SCEL: variants seen among roughly 807,000 people sequenced by gnomAD.
SCEL encodes the protein sciellin.
SCEL carries 113 observed loss-of-function variants against 117.6 expected under a neutral mutation model. The observed-to-expected ratio is 0.96, with a 90% CI of 0.83 to 1.12. The LOEUF is 1.12. SCEL is among the 50% of genes most tolerant of loss of function. SCEL has a pLI of 0.00. For missense variants in SCEL, 785 were observed against 810.8 expected (o/e 0.97, Z 0.39); for synonymous variants, 270 against 256.2 (o/e 1.05, Z -0.51).
intron 30 of SCEL, among the ~76,000 whole-genome samples, chr13:77,640,007 A>G (rs2090484844): frequency 6.6e-6 from 1 of 152,142 alleles, no homozygotes; most frequent in South Asian, 2.1e-4. Flanking sequence ...TTTAACAAAT[A>G]TTTAGTATTT....
At chr13:77,562,735 A>G (rs546372972) in intron 4 of SCEL, among the ~76,000 whole-genome samples, 3 of 152,256 alleles carry the variant, frequency 2.0e-5, no homozygotes, top group Non-Finnish European at 2.9e-5. Flanking sequence ...GTTGATTAAT[A>G]TAGCAAATGT....
intron 11 of SCEL, 42 bp downstream of exon 11, chr13:77,591,502 A>T (rs115680772): frequency 0.13 from 151,755 of 1,129,628 alleles, 11,294 homozygotes; most frequent in Non-Finnish European, 0.15. Context: ...TGTAGTAATG[A>T]TAAAGTATGC....
intron 31 of SCEL, 125 bp downstream of exon 31, chr13:77,640,909 A>G: frequency 5.7e-6 from 3 of 524,982 alleles, no homozygotes; most frequent in South Asian, 5.4e-5. Context: ...CCACATTAAT[A>G]GTACACTACT....
intron 1 of SCEL, among the ~76,000 whole-genome samples, chr13:77,543,169 C>T (rs1432886522): frequency 4.7e-5 from 7 of 150,188 alleles, no homozygotes; most frequent in Non-Finnish European, 7.4e-5. Flanking sequence ...CTGCAAGCTC[C>T]GCCTCCCGGG....
At chr13:77,620,700 A>G (rs2089361830) in intron 27 of SCEL, among the ~76,000 whole-genome samples, 1 of 152,186 alleles carries the variant, frequency 6.6e-6, no homozygotes. Flanking sequence ...TGTTAGACTG[A>G]TTATTAAAAT....
At chr13:77,567,309 C>G (rs2085343636) in intron 5 of SCEL, among the ~76,000 whole-genome samples, 1 of 152,054 alleles carries the variant, frequency 6.6e-6, no homozygotes, top group Admixed American at 6.6e-5. Context: ...CAACAATTAA[C>G]TGGGCGTAGG....
At chr13:77,536,967 A>G (rs1383726462) in intron 1 of SCEL, among the ~76,000 whole-genome samples, 1 of 152,258 alleles carries the variant, frequency 6.6e-6, no homozygotes, top group Non-Finnish European at 1.5e-5. Context: ...TTTATTTTTC[A>G]TAAAATGTGA....
At chr13:77,573,655 A>G (rs1456817508) in intron 9 of SCEL, among the ~76,000 whole-genome samples, 1 of 151,750 alleles carries the variant, frequency 6.6e-6, no homozygotes, top group Non-Finnish European at 1.5e-5. Flanking sequence ...CTATCTATCT[A>G]TCTATCTATC....
chr13:77,593,312 G>T (rs1478092933), intron 11 of SCEL, among the ~76,000 whole-genome samples: 2 of 147,726 alleles, frequency 1.4e-5, no homozygotes, highest in East Asian at 2.0e-4. Flanking sequence ...GTGTGTGTGT[G>T]TGTGTGTCAG....
chr13:77,567,263 G>T (rs2085340820), intron 5 of SCEL, among the ~76,000 whole-genome samples: 1 of 152,108 alleles, frequency 6.6e-6, no homozygotes, highest in Non-Finnish European at 1.5e-5. Flanking sequence ...AGACCAGTGT[G>T]GCCAACATGG....
chr13:77,571,095 G>T (rs2085583411), intron 8 of SCEL, among the ~76,000 whole-genome samples: 1 of 151,420 alleles, frequency 6.6e-6, no homozygotes, highest in Non-Finnish European at 1.5e-5. Context: ...CTCCCAAAGT[G>T]CTGGGATTAC....
chr13:77,596,075 G>A (rs1395129095), intron 12 of SCEL, among the ~76,000 whole-genome samples: 14 of 152,206 alleles, frequency 9.2e-5, no homozygotes, highest in African/African-American at 3.4e-4. Context: ...GCTCACACCT[G>A]TAATCCCAGC....
At chr13:77,602,955 A>G (rs978131013) in intron 17 of SCEL, 121 bp from the exon 18 acceptor site, 7 of 656,944 alleles carry the variant, frequency 1.1e-5, no homozygotes, top group Middle Eastern at 4.1e-4. Context: ...CTTAAAGCCA[A>G]TTTAATGTCA....
chr13:77,538,134 TTA>T (rs2083503950), intron 1 of SCEL, among the ~76,000 whole-genome samples: 1 of 148,456 alleles, frequency 6.7e-6, no homozygotes, highest in Non-Finnish European at 1.5e-5. Context: ...TTTTTTTTTT[TTA>T]AATGGAGTCT....
Position 77,543,116 on chromosome 13 carries a change from C to A in SCEL, c.-20+7292C>A, listed in dbSNP as rs533019968. ...TTTTTTTTTTTGAGACGGAGTCTCGCTCTGTTGCCCAGGCTGGAGTGCAGT... is the reference window on the plus strand; with the variant it reads ...TTTTTTTTTTTGAGACGGAGTCTCGATCTGTTGCCCAGGCTGGAGTGCAGT... On this transcript the variant is annotated intron_variant, in intron 1 of 32. Coordinates refer to ENST00000349847, the MANE Select transcript of SCEL (RefSeq NM_144777.3). Among the ~76,000 whole-genome samples, 8 of 144,120 alleles carry A rather than the reference C, an allele frequency of 5.6e-5. No homozygotes were observed. The Admixed American group carries it at 5.6e-4, about 10-fold the overall frequency. The allele number at this position is 144,120 out of a possible 152,430, so 94.5% of individuals were successfully genotyped here.
At chr13:77,576,350 G>A (rs1009476728) in intron 9 of SCEL, among the ~76,000 whole-genome samples, 3 of 151,770 alleles carry the variant, frequency 2.0e-5, no homozygotes, top group Non-Finnish European at 2.9e-5. Flanking sequence ...TTTCTTTTTC[G>A]ATTTCTCAGC....
chr13:77,613,205 C>A (rs2088790784), intron 23 of SCEL, among the ~76,000 whole-genome samples: 1 of 151,928 alleles, frequency 6.6e-6, no homozygotes. Context: ...AACAGCATAA[C>A]TAGATTATAA....
chr13:77,582,496 G>A (rs1335467423), intron 9 of SCEL, among the ~76,000 whole-genome samples: 1 of 152,266 alleles, frequency 6.6e-6, no homozygotes, highest in East Asian at 1.9e-4. Flanking sequence ...CGAAAGTGCT[G>A]GGATTACAGG....
In SCEL at chr13:77,644,466, G is replaced by T. The variant is rs187209823; in HGVS notation, c.*192G>T. On this transcript the variant is annotated 3_prime_UTR_variant, in exon 33 of 33. Transcript: ENST00000349847. ...TCACACACATAAAAAGAGCCATCTG[G>T]TCTCTGGCTAGAGTTAGCAATAAAA... 22 of 573,634 alleles carry T rather than the reference G, an allele frequency of 3.8e-5. No individual in the cohort carries two copies. The East Asian group carries it at 4.6e-4, about 12-fold the overall frequency. The allele number at this position is 573,634 out of a possible 1,614,324, so 35.5% of individuals were successfully genotyped here.
Sources: allele counts gnomAD v4.1 joint callset (sites outside exome capture counted in the v4.1 genomes callset), GRCh38; gene constraint gnomAD v4.1.1; transcripts MANE v1.5; gene names NCBI Gene and HGNC (gene_info 2026-07-23, HGNC 2026-07-21).